PCDH15: variants seen among roughly 807,000 people sequenced by gnomAD.
PCDH15 encodes the protein protocadherin related 15, also known as protocadherin-15.
A neutral mutation model predicts 178.5 loss-of-function variants in PCDH15; 129 were observed. That is an observed-to-expected ratio of 0.72 (90% CI 0.63 to 0.84). PCDH15 has a LOEUF of 0.84. Among genes scored for constraint, PCDH15 ranks in the 40% least tolerant of loss-of-function variants. PCDH15 has a pLI of 0.00. For missense variants in PCDH15, 2,230 were observed against 2,099.9 expected (o/e 1.06, Z -1.21); for synonymous variants, 800 against 732.0 (o/e 1.09, Z -1.50).
chr10:55,024,557 A>G (rs940466447), intron 2 of PCDH15, among the ~76,000 whole-genome samples: 3 of 152,008 alleles, frequency 2.0e-5, no homozygotes, highest in Non-Finnish European at 1.5e-5. Flanking sequence ...GATATCATAT[A>G]CATATCTCAT....
At chr10:54,406,416 C>T (rs1344770255) in intron 3 of PCDH15, among the ~76,000 whole-genome samples, 1 of 152,056 alleles carries the variant, frequency 6.6e-6, no homozygotes, top group Non-Finnish European at 1.5e-5. Flanking sequence ...TTAAATATTT[C>T]AGGCCTTGTG....
chr10:54,991,234 A>G (rs539028154), intron 2 of PCDH15, among the ~76,000 whole-genome samples: 5 of 152,276 alleles, frequency 3.3e-5, no homozygotes, highest in African/African-American at 1.2e-4. Context: ...AAAAAGCATT[A>G]TTACCAACCA....
chr10:55,590,462 T>C (rs1230874792), intron 2 of PCDH15, among the ~76,000 whole-genome samples: 1 of 151,946 alleles, frequency 6.6e-6, no homozygotes, highest in Admixed American at 6.6e-5. Flanking sequence ...TAAAGTATAA[T>C]AGTAATAAAA....
rs542645663 is a variant in PCDH15 at position 54,055,324 on chromosome 10, A to AT, written c.2220+11432dup. 7.0e-4 allele frequency among the ~76,000 whole-genome samples: 106 copies of AT among 152,290 alleles called. 1 individual carries two copies. Among genetic ancestry groups the AT allele is most frequent in the African/African-American group, 2.5e-3 (104 of 41,590 alleles). On this transcript the variant is annotated intron_variant, in intron 18 of 37. Coordinates refer to ENST00000644397, the MANE Select transcript of PCDH15 (RefSeq NM_001384140.1). ...GAACATGTTGTAGACTTATGGTTCTATTTTTGTTACCTAGACCTCAAAGAA... is the reference window on the plus strand; with the variant it reads ...GAACATGTTGTAGACTTATGGTTCTATTTTTTGTTACCTAGACCTCAAAGAA...
At chr10:55,003,969 G>C (rs1202778452) in intron 2 of PCDH15, among the ~76,000 whole-genome samples, 2 of 152,192 alleles carry the variant, frequency 1.3e-5, no homozygotes, top group Non-Finnish European at 2.9e-5. Flanking sequence ...GGCTCGGGAG[G>C]CCTTTGGAGG....
intron 2 of PCDH15, chr10:55,600,014 T>C: frequency 5.4e-6 from 7 of 1,307,978 alleles, no homozygotes; most frequent in Non-Finnish European, 6.1e-6. Flanking sequence ...AATTCATTAA[T>C]GCAAATAGAT....
chr10:54,494,583 C>T (rs1331272789), intron 3 of PCDH15, among the ~76,000 whole-genome samples: 1 of 152,112 alleles, frequency 6.6e-6, no homozygotes, highest in Non-Finnish European at 1.5e-5. Flanking sequence ...TTTCTCTGCT[C>T]TATGATGCAG....
At chr10:55,256,673 G>C (rs2132230112) in intron 1 of PCDH15, among the ~76,000 whole-genome samples, 1 of 152,316 alleles carries the variant, frequency 6.6e-6, no homozygotes, top group East Asian at 1.9e-4. Flanking sequence ...AGCGAGGCTG[G>C]GGGAGGGGCG....
At chr10:54,255,024 G>A (rs529885092) in intron 8 of PCDH15, among the ~76,000 whole-genome samples, 11 of 152,254 alleles carry the variant, frequency 7.2e-5, no homozygotes, top group South Asian at 4.1e-4. Flanking sequence ...CATCACACTC[G>A]CATCAGAAGC....
chr10:55,271,716 T>C (rs964844441), intron 1 of PCDH15, among the ~76,000 whole-genome samples: 4 of 152,046 alleles, frequency 2.6e-5, no homozygotes, highest in Admixed American at 6.5e-5. Flanking sequence ...AACACTGTGG[T>C]ACTAGGTCTT....
At chr10:53,898,313 A>G (rs1248773191) in intron 26 of PCDH15, among the ~76,000 whole-genome samples, 2 of 152,136 alleles carry the variant, frequency 1.3e-5, no homozygotes, top group African/African-American at 4.8e-5. Flanking sequence ...TAGCACTTCT[A>G]TGAACATGGG....
intron 2 of PCDH15, among the ~76,000 whole-genome samples, chr10:54,632,128 C>T (rs1413451833): frequency 1.3e-5 from 2 of 152,092 alleles, no homozygotes; most frequent in African/African-American, 4.8e-5. Context: ...ATGTCCCTTA[C>T]AGCAACATGG....
rs16906412 is a variant in PCDH15, at chr10:54,698,454, G to T, written c.-28-34164C>A. Among the ~76,000 whole-genome samples the T allele has an allele frequency of 3.4e-4, 52 of 152,198 alleles. No homozygotes were observed. The East Asian group carries it at 5.8e-3, about 17-fold the overall frequency. On this transcript the variant is annotated intron_variant, in intron 1 of 37. Coordinates refer to ENST00000644397, the MANE Select transcript of PCDH15 (RefSeq NM_001384140.1). ...CTGTGTTTAGAAGGATTCCGAGGGT[G>T]TCTGTTGCTGAGCAGAGAAAAAGCT...
At chr10:55,084,878 T>C (rs1377168726) in intron 2 of PCDH15, among the ~76,000 whole-genome samples, 3 of 151,830 alleles carry the variant, frequency 2.0e-5, no homozygotes, top group Non-Finnish European at 4.4e-5. Flanking sequence ...CAAAGGTATA[T>C]CATCTCAGCC....
At chr10:54,884,812 T>C (rs1954325675) in intron 3 of PCDH15, among the ~76,000 whole-genome samples, 1 of 152,052 alleles carries the variant, frequency 6.6e-6, no homozygotes, top group South Asian at 2.1e-4. Flanking sequence ...AAAGCCAAAT[T>C]CTTATTTGCA....
chr10:54,752,962 C>T (rs1212244663), intron 1 of PCDH15, among the ~76,000 whole-genome samples: 8 of 152,236 alleles, frequency 5.3e-5, no homozygotes, highest in Non-Finnish European at 1.0e-4. Flanking sequence ...TTTAAAACTC[C>T]ATGATCTAAA....
chr10:54,009,995 G>C (rs1018669849), intron 20 of PCDH15, among the ~76,000 whole-genome samples: 1 of 152,172 alleles, frequency 6.6e-6, no homozygotes, highest in Admixed American at 6.5e-5. Context: ...AAATCCACGA[G>C]GCTGAGCAGT....
At chr10:54,781,091 C>T (rs1328836489) in intron 1 of PCDH15, among the ~76,000 whole-genome samples, 2 of 152,030 alleles carry the variant, frequency 1.3e-5, no homozygotes, top group African/African-American at 4.8e-5. Context: ...CAGTTCACAC[C>T]ATAAAACATT....
At chr10:54,783,092 C>T (rs1380813322) in intron 1 of PCDH15, among the ~76,000 whole-genome samples, 3 of 152,000 alleles carry the variant, frequency 2.0e-5, no homozygotes, top group South Asian at 2.1e-4. Flanking sequence ...AAACGTGACA[C>T]TTTCAAAGGA....
Sources: allele counts gnomAD v4.1 joint callset (sites outside exome capture counted in the v4.1 genomes callset), GRCh38; gene constraint gnomAD v4.1.1; transcripts MANE v1.5; gene names NCBI Gene and HGNC (gene_info 2026-07-23, HGNC 2026-07-21).